DNAH5: variants seen among roughly 807,000 people sequenced by gnomAD.
DNAH5 encodes axonemal beta dynein heavy chain 5.
In DNAH5, 372 loss-of-function variants were observed where a neutral mutation model predicts 518.2. That is an observed-to-expected ratio of 0.72 (90% CI 0.66 to 0.78). The LOEUF (loss-of-function observed/expected upper bound fraction) is 0.78, where lower values mean the gene tolerates loss of function less well. Among genes scored for constraint, DNAH5 ranks in the 30% least tolerant of loss-of-function variants. DNAH5 has a pLI of 0.00. For synonymous variants in DNAH5, 2,039 were observed against 2,025.9 expected, an observed-to-expected ratio of 1.01 and a Z score of -0.17; for missense variants, 5,523 against 5,687.0, an observed-to-expected ratio of 0.97 and a Z score of 0.93.
chr5:13,707,875 G>C lies in DNAH5; in HGVS notation c.13338+248C>G, dbSNP rs1743006480. ...TAAGTTTCTCATCTGTAAAATAAGA[G>C]CAGTAAAATACAAAATTTAAGTAAA... On this transcript the variant is annotated intron_variant, in intron 76 of 78. Coordinates refer to ENST00000265104, the MANE Select transcript of DNAH5 (RefSeq NM_001369.3). This position sits in a 1 kb window ranked among gnomAD's most constrained non-coding sequence, Gnocchi z 4.0. 6.6e-6 allele frequency among the ~76,000 whole-genome samples: 1 copy of C among 152,030 alleles called. No homozygotes were observed. The highest frequency in any genetic ancestry group is 1.5e-5 in the Non-Finnish European group (1 of 68,010).
In DNAH5 at chr5:13,801,502, G is replaced by A. The variant is rs141862877; in HGVS notation, c.7887+6089C>T. ...CCCTACTCAACCAATCACAAGTTCT[G>A]GTAGTTCCACTTCCTAACCAAGGTT... On this transcript the variant is annotated intron_variant, in intron 47 of 78. Transcript: ENST00000265104. Among the ~76,000 whole-genome samples, 168 of 152,256 alleles carry A rather than the reference G, an allele frequency of 1.1e-3. 1 individual carries two copies. The highest frequency in any genetic ancestry group is 4.8e-3 in the Admixed American group (73 of 15,290).
chr5:13,952,791 G>T (rs1780513714), intron 1 of DNAH5, among the ~76,000 whole-genome samples: 1 of 152,150 alleles, frequency 6.6e-6, no homozygotes, highest in Non-Finnish European at 1.5e-5. Context: ...TTTCTTCAGG[G>T]TTTTTTAAAG....
At chr5:13,943,449 G>A (rs576995719) in intron 1 of DNAH5, among the ~76,000 whole-genome samples, 161 of 152,338 alleles carry the variant, frequency 1.1e-3, no homozygotes, top group Non-Finnish European at 1.7e-3. Flanking sequence ...GTCAGGGGAC[G>A]CTTCTCAGAG....
chr5:13,912,059 G>C (rs12657236), intron 11 of DNAH5, among the ~76,000 whole-genome samples: 66,252 of 151,922 alleles, frequency 0.44, 15,226 homozygotes, highest in East Asian at 0.85. Flanking sequence ...TGCAGCCTGT[G>C]ACTAGGAAAG....
Position 13,841,853 on chromosome 5 carries a change from A to T in DNAH5, c.5323T>A (p.Leu1775Met). Residue 1775 changes from leucine to methionine, a missense_variant, in exon 33 of 79, where the codon TTG becomes ATG. Around this residue, in one of 3 missense-constraint regions of DNAH5, gnomAD observed 5,121 missense variants for 5,223.3 expected, o/e 0.98. Coordinates refer to ENST00000265104, the MANE Select transcript of DNAH5 (RefSeq NM_001369.3). ...CCCTCTGCCATGACAGGTTTATCCAATTCAATCGTCTCACCCTCTTGAGAG... is the reference window on the plus strand; with the variant it reads ...CCCTCTGCCATGACAGGTTTATCCATTTCAATCGTCTCACCCTCTTGAGAG... The part of the protein sequence containing the change: ...ISSQEGETIE[L>M]DKPVMAEGNV... 6.2e-7 allele frequency: 1 copy of T among 1,602,236 alleles called. No individual in the cohort carries two copies. Among genetic ancestry groups the T allele is most frequent in the Non-Finnish European group, 8.5e-7 (1 of 1,175,412 alleles).
chr5:13,931,344 T>A, intron 1 of DNAH5, 100 bp from the exon 2 acceptor site: 1 of 1,447,166 alleles, frequency 6.9e-7, no homozygotes, highest in Non-Finnish European at 9.6e-7. Flanking sequence ...AAGTCTTAGG[T>A]ATCCAGATAA....
intron 78 of DNAH5, among the ~76,000 whole-genome samples, chr5:13,698,987 G>A (rs1198934063): frequency 6.6e-6 from 1 of 152,102 alleles, no homozygotes; most frequent in Non-Finnish European, 1.5e-5. Context: ...TTTCTTTTAT[G>A]GCTATCACCC....
chr5:14,008,449 C>A (rs1561078845), intron 1 of DNAH5, among the ~76,000 whole-genome samples: 1 of 151,792 alleles, frequency 6.6e-6, no homozygotes, highest in Non-Finnish European at 1.5e-5. Context: ...ATGGTGAAAC[C>A]CCATCTCTAC....
chr5:13,695,412 A>T (rs1213446553), intron 78 of DNAH5, among the ~76,000 whole-genome samples: 1 of 152,066 alleles, frequency 6.6e-6, no homozygotes, highest in Non-Finnish European at 1.5e-5. Flanking sequence ...AGAAAAATTA[A>T]CTCAGGACTT....
intron 1 of DNAH5, among the ~76,000 whole-genome samples, chr5:14,010,883 TA>T (rs35806806): frequency 0.36 from 54,326 of 151,734 alleles, 10,314 homozygotes; most frequent in East Asian, 0.81. Flanking sequence ...AATAGATCCC[TA>T]CAGTTATATG....
At chr5:13,934,516 T>C (rs192180453) in intron 1 of DNAH5, among the ~76,000 whole-genome samples, 1 of 152,286 alleles carries the variant, frequency 6.6e-6, no homozygotes, top group Admixed American at 6.5e-5. Context: ...AAAAGGATGA[T>C]TGGGAAAAGA....
At chr5:14,006,633 T>C (rs902363638) in intron 1 of DNAH5, among the ~76,000 whole-genome samples, 4 of 152,180 alleles carry the variant, frequency 2.6e-5, no homozygotes, top group Admixed American at 6.5e-5. Context: ...TGTCTCCAAA[T>C]ACATTCCAAG....
intron 44 of DNAH5, chr5:13,810,642 TA>T: frequency 5.9e-6 from 1 of 169,436 alleles, no homozygotes; most frequent in African/African-American, 2.4e-5. Context: ...TAGTCCCAGC[TA>T]CCCGGGAGGC....
intron 24 of DNAH5, among the ~76,000 whole-genome samples, chr5:13,869,324 G>GAT (rs1554084268): frequency 6.6e-6 from 1 of 151,514 alleles, no homozygotes; most frequent in Non-Finnish European, 1.5e-5. Context: ...TACAACTGGA[G>GAT]TTTTTTTTAA....
intron 1 of DNAH5, among the ~76,000 whole-genome samples, chr5:13,963,141 A>G (rs1012048404): frequency 1.3e-5 from 2 of 151,934 alleles, no homozygotes; most frequent in African/African-American, 4.8e-5. Flanking sequence ...AAAAAGCCAT[A>G]TTTGCTCATT....
intron 51 of DNAH5, among the ~76,000 whole-genome samples, chr5:13,788,379 G>A (rs1020297503): frequency 2.6e-5 from 4 of 152,154 alleles, no homozygotes; most frequent in East Asian, 1.9e-4. Flanking sequence ...AGAGAGTGCC[G>A]AGATGCCCAG....
At chr5:13,867,406 G>A (rs1020384335) in intron 25 of DNAH5, among the ~76,000 whole-genome samples, 7 of 151,944 alleles carry the variant, frequency 4.6e-5, no homozygotes, top group African/African-American at 1.2e-4. Context: ...TTCCCTCTTC[G>A]CTCAGCATTC....
rs114730990 is a variant in DNAH5, at chr5:13,983,882, C to G, written c.12+27766G>C. On this transcript the variant is annotated intron_variant, in intron 1 of 78. Coordinates refer to the DNAH5 transcript ENST00000681290. ...AATTTTCAGACGCAAGCGCTGGAAC[C>G]ACAGAAAACAACTGATACAGTCAGC... Among the ~76,000 whole-genome samples the G allele has an allele frequency of 1.5e-3, 227 of 152,308 alleles. 1 individual carries two copies. In the Middle Eastern group the frequency reaches 0.027, roughly 18 times the overall value.
At chr5:13,763,192 T>C (rs1346771494) in intron 59 of DNAH5, among the ~76,000 whole-genome samples, 3 of 152,160 alleles carry the variant, frequency 2.0e-5, no homozygotes, top group Non-Finnish European at 4.4e-5. Flanking sequence ...TGATGAACAC[T>C]AATATTGTTA....
Sources: allele counts gnomAD v4.1 joint callset (sites outside exome capture counted in the v4.1 genomes callset), GRCh38; gene constraint gnomAD v4.1.1; regional missense constraint gnomAD v4.1.1; non-coding constraint Gnocchi (gnomAD v3.1); transcripts MANE v1.5; gene names NCBI Gene and HGNC (gene_info 2026-07-23, HGNC 2026-07-21).